Variants in DPY19L3 observed in about 807,000 individuals in gnomAD.
DPY19L3 encodes the protein protein C-mannosyl-transferase DPY19L3.
A neutral mutation model predicts 92.3 loss-of-function variants in DPY19L3; 51 were observed. That is an observed-to-expected ratio of 0.55 (90% confidence interval 0.44 to 0.70). DPY19L3 has a LOEUF of 0.70. DPY19L3 is among the 30% of genes least tolerant of loss of function. DPY19L3 has a pLI of 0.00. For missense variants in DPY19L3, 706 were observed against 855.9 expected (o/e 0.82, Z 2.18); for synonymous variants, 309 against 315.2 (o/e 0.98, Z 0.21).
intron 1 of DPY19L3, 41 bp from the exon 2 acceptor site, chr19:32,408,176 G>A (rs1968046756): frequency 1.0e-6 from 1 of 996,110 alleles, no homozygotes; most frequent in Admixed American, 1.9e-5. Flanking sequence ...GTGTGTTGGG[G>A]AGAAGGCACT....
At chr19:32,454,222 A>G (rs1031402273) in intron 9 of DPY19L3, among the ~76,000 whole-genome samples, 7 of 152,324 alleles carry the variant, frequency 4.6e-5, no homozygotes, top group East Asian at 3.9e-4. Context: ...TTTTACACCC[A>G]TAAGTCTTTT....
At chr19:32,418,724 A>G (rs1968460619) in intron 3 of DPY19L3, among the ~76,000 whole-genome samples, 2 of 152,248 alleles carry the variant, frequency 1.3e-5, no homozygotes, top group Admixed American at 6.5e-5. Flanking sequence ...ACTTTTTCTC[A>G]TCAAAATTGG....
chr19:32,449,242 A>AC (rs919562571), intron 8 of DPY19L3, among the ~76,000 whole-genome samples: 1 of 152,264 alleles, frequency 6.6e-6, no homozygotes, highest in African/African-American at 2.4e-5. Context: ...TTTACGCTTT[A>AC]CAAAACACCA....
At chr19:32,421,640 AAAAAAAG>A (rs1445552732) in intron 3 of DPY19L3, among the ~76,000 whole-genome samples, 1 of 129,444 alleles carries the variant, frequency 7.7e-6, no homozygotes. Context: ...AAAAAAAAAA[AAAAAAAG>A]AGAGAGGAGT....
intron 3 of DPY19L3, among the ~76,000 whole-genome samples, chr19:32,417,658 A>G (rs1774760671): frequency 6.6e-6 from 1 of 152,058 alleles, no homozygotes; most frequent in South Asian, 2.1e-4. Context: ...CCCGTCACAC[A>G]CTGTCTGCCT....
intron 4 of DPY19L3, among the ~76,000 whole-genome samples, chr19:32,435,031 C>T (rs569539437): frequency 6.6e-6 from 1 of 152,162 alleles, no homozygotes; most frequent in African/African-American, 2.4e-5. Flanking sequence ...ATTTTTCTCT[C>T]CCTTTTGGAG....
chr19:32,406,472 A>G (rs370287410), intron 1 of DPY19L3, among the ~76,000 whole-genome samples: 1,781 of 151,770 alleles, frequency 0.012, 46 homozygotes, highest in African/African-American at 0.039. Flanking sequence ...CGATTCTCCC[A>G]CCTCAGCCTC....
intron 10 of DPY19L3, 80 bp from the exon 11 acceptor site, chr19:32,458,020 T>A (rs1030638435): frequency 9.4e-7 from 1 of 1,068,632 alleles, no homozygotes; most frequent in Non-Finnish European, 1.4e-6. Flanking sequence ...GGACACTGAA[T>A]ATGTAAATTC....
intron 3 of DPY19L3, among the ~76,000 whole-genome samples, chr19:32,422,656 A>G (rs1411654569): frequency 6.6e-6 from 1 of 151,908 alleles, no homozygotes; most frequent in African/African-American, 2.4e-5. Context: ...ACACACACAC[A>G]CACACGTTTA....
Position 32,483,476 on chromosome 19 carries a change from C to CT in DPY19L3, c.*1237dup, listed in dbSNP as rs1263062066. The CT allele has an allele frequency of 5.9e-5, 9 of 152,568 alleles. No individual in the cohort carries two copies. Among genetic ancestry groups the CT allele is most frequent in the African/African-American group, 1.7e-4 (7 of 41,440 alleles). The allele number at this position is 152,568 out of a possible 1,614,324, so 9.5% of individuals were successfully genotyped here. A position where few individuals can be genotyped will look rare whatever the true frequency, so the allele number is the denominator to read the frequency against. On this transcript the variant is annotated 3_prime_UTR_variant, in exon 19 of 19. Transcript: ENST00000392250. ...TATGCATTTAATTAAATCAAGATGG[C>CT]TAATGGAATTAACTTTCTCCCCTGT...
At chr19:32,408,082 T>TG (rs1185319223) in intron 1 of DPY19L3, 135 bp from the exon 2 acceptor site, 4 of 589,374 alleles carry the variant, frequency 6.8e-6, no homozygotes, top group African/African-American at 1.9e-5. Flanking sequence ...GACCCTGTCT[T>TG]GGGGGGAAGA....
At chr19:32,468,367 C>T in intron 15 of DPY19L3, 3 of 1,013,078 alleles carry the variant, frequency 3.0e-6, no homozygotes, top group Non-Finnish European at 3.5e-6. Flanking sequence ...ATTACATATT[C>T]CTAACGGATT....
intron 3 of DPY19L3, among the ~76,000 whole-genome samples, chr19:32,432,084 C>T (rs1056305370): frequency 3.9e-5 from 6 of 152,072 alleles, no homozygotes; most frequent in African/African-American, 9.7e-5. Context: ...GAAAGTCTTC[C>T]GTGTCATTGT....
chr19:32,419,408 G>A (rs1474374891), intron 3 of DPY19L3, among the ~76,000 whole-genome samples: 5 of 151,816 alleles, frequency 3.3e-5, no homozygotes, highest in Non-Finnish European at 5.9e-5. Flanking sequence ...TGATCCACCC[G>A]CCTCGGCCTC....
rs553652480 is a variant in DPY19L3, at chr19:32,408,491, C to CAA, written c.103+136_103+137dup. Reference sequence around the variant, plus strand: ...TTGTAGTACCCTGATATTCTAATTGCAATTTGATTAGATTGATTTTACAGT... The same window carrying CAA: ...TTGTAGTACCCTGATATTCTAATTGCAAAATTTGATTAGATTGATTTTACAGT... On this transcript the variant is annotated intron_variant, in intron 2 of 18. Coordinates refer to ENST00000392250, the MANE Select transcript of DPY19L3 (RefSeq NM_001172774.2). The CAA allele has an allele frequency of 8.6e-4, 542 of 629,340 alleles. 3 individuals are homozygous for CAA. In the African/African-American group the frequency reaches 9.2e-3, roughly 11 times the overall value. 39.0% of individuals were successfully genotyped at this position (629,340 alleles called of 1,614,324 possible). A position where few individuals can be genotyped will look rare whatever the true frequency, so the allele number is the denominator to read the frequency against.
intron 3 of DPY19L3, among the ~76,000 whole-genome samples, chr19:32,430,292 A>C (rs1327598848): frequency 6.6e-6 from 1 of 152,066 alleles, no homozygotes; most frequent in Admixed American, 6.6e-5. Context: ...GGAAGCCGAG[A>C]GGATCACTTG....
At position 32,437,228 on chromosome 19, in the gene DPY19L3, C is replaced by A; in HGVS notation, c.485C>A (p.Thr162Asn). 1 of 1,614,072 alleles carries A rather than the reference C, an allele frequency of 6.2e-7. No homozygotes were observed. Among genetic ancestry groups the A allele is most frequent in the African/African-American group, 1.3e-5 (1 of 75,000 alleles). The change falls in exon 6 of 19, where the codon ACC (threonine) becomes AAC (asparagine). Residue 162 changes from threonine to asparagine, a missense_variant. Physicochemically the swap from Thr to Asn is moderately conservative, Grantham distance 65 (BLOSUM62 0). Coordinates refer to ENST00000392250, the MANE Select transcript of DPY19L3 (RefSeq NM_001172774.2). ...GAGCCAGTTTATTTTTATATTTACACCTTATTTGGGCTCCAGGCGATCTAT... is the reference window on the plus strand; with the variant it reads ...GAGCCAGTTTATTTTTATATTTACAACTTATTTGGGCTCCAGGCGATCTAT... ...YLEPVYFYIY[T>N]LFGLQAIYVT...
chr19:32,444,141 G>A (rs1969412313), intron 8 of DPY19L3, among the ~76,000 whole-genome samples: 1 of 151,604 alleles, frequency 6.6e-6, no homozygotes, highest in African/African-American at 2.4e-5. Flanking sequence ...CACAGAAATT[G>A]GAATTATCTT....
At chr19:32,461,384 C>G (rs1599658274) in intron 12 of DPY19L3, among the ~76,000 whole-genome samples, 1 of 152,232 alleles carries the variant, frequency 6.6e-6, no homozygotes, top group East Asian at 1.9e-4. Flanking sequence ...TAATCAGAGC[C>G]TTCCAGCTTG....
Sources: allele counts gnomAD v4.1 joint callset (sites outside exome capture counted in the v4.1 genomes callset), GRCh38; gene constraint gnomAD v4.1.1; transcripts MANE v1.5; gene names NCBI Gene and HGNC (gene_info 2026-07-23, HGNC 2026-07-21).